Variants in CDH19 observed in about 807,000 individuals in gnomAD.
CDH19 encodes cadherin-19.
Under a neutral mutation model 64.2 loss-of-function variants are expected in CDH19, and 67 were observed. That is an observed-to-expected ratio of 1.04 (90% CI 0.86 to 1.28). The LOEUF (loss-of-function observed/expected upper bound fraction) is 1.28, where lower values mean the gene tolerates loss of function less well. Ranked by LOEUF, CDH19 falls within the 50% of genes most tolerant of loss-of-function variation. CDH19 has a pLI of 0.00. For missense variants in CDH19, 1,030 were observed against 929.0 expected (o/e 1.11, Z -1.41); for synonymous variants, 346 against 319.3 (o/e 1.08, Z -0.89).
At chr18:66,510,420 ATAAAT>A (rs1263906379) in intron 10 of CDH19, among the ~76,000 whole-genome samples, 1 of 149,106 alleles carries the variant, frequency 6.7e-6, no homozygotes, top group African/African-American at 2.4e-5. Context: ...TTATATTAAT[ATAAAT>A]TAATCTATAT....
chr18:66,544,355 A>G, intron 6 of CDH19, 131 bp from the exon 7 acceptor site: 1 of 733,812 alleles, frequency 1.4e-6, no homozygotes, highest in Non-Finnish European at 2.2e-6. Context: ...ATGTACATGG[A>G]TCTCTCTGAT....
chr18:66,597,961 C>A lies in CDH19; in HGVS notation c.-113+5993G>T, dbSNP rs1008128812. Among the ~76,000 whole-genome samples, 5 of 152,024 alleles carry A rather than the reference C, an allele frequency of 3.3e-5. 1 individual carries two copies. The highest frequency in any genetic ancestry group is 1.3e-4 in the Admixed American group (2 of 15,258). ...AATGTAAATGACGAGTTAATGGGTG[C>A]AGCACACCAACATGGCACATGTATA... On this transcript the variant is annotated intron_variant, in intron 1 of 11. Coordinates refer to ENST00000262150, the MANE Select transcript of CDH19 (RefSeq NM_021153.4).
intron 1 of CDH19, among the ~76,000 whole-genome samples, chr18:66,598,869 A>G (rs1988971107): frequency 6.6e-6 from 1 of 152,104 alleles, no homozygotes; most frequent in African/African-American, 2.4e-5. Context: ...GCTATAATAA[A>G]ATATAGAATA....
chr18:66,524,004 T>G (rs563989253), intron 9 of CDH19, among the ~76,000 whole-genome samples: 132 of 152,178 alleles, frequency 8.7e-4, no homozygotes, highest in Non-Finnish European at 1.6e-3. Flanking sequence ...AGCATTAAAT[T>G]GATCAGTGGC....
chr18:66,603,683 TAACA>T (rs1989091879), intron 1 of CDH19, among the ~76,000 whole-genome samples: 1 of 152,088 alleles, frequency 6.6e-6, no homozygotes, highest in Admixed American at 6.5e-5. Context: ...TTAAATATCC[TAACA>T]TAGGTGTAAC....
chr18:66,555,940 T>C (rs1987502729), intron 3 of CDH19, among the ~76,000 whole-genome samples: 1 of 151,740 alleles, frequency 6.6e-6, no homozygotes, highest in African/African-American at 2.4e-5. Flanking sequence ...GATACAATCA[T>C]CAAAATCATA....
At chr18:66,569,152 G>T (rs1489016131) in intron 2 of CDH19, among the ~76,000 whole-genome samples, 2 of 151,468 alleles carry the variant, frequency 1.3e-5, no homozygotes, top group African/African-American at 2.4e-5. Flanking sequence ...ATGGAAACAA[G>T]AAAATATTAG....
At position 66,551,176 on chromosome 18, in the gene CDH19, A is replaced by G; in HGVS notation, c.693T>C (p.Gly231=). 6.2e-7 allele frequency: 1 copy of G among 1,604,124 alleles called. No individual in the cohort carries two copies. The highest frequency in any genetic ancestry group is 8.5e-7 in the Non-Finnish European group (1 of 1,171,224). The change falls in exon 5 of 12, where the codon GGT becomes GGC. Residue 231 remains glycine, a synonymous_variant. Transcript: ENST00000262150. ...WVIIQAKDMI[G]QPGALSGTTS... ...TTGTTCCAGACAACGCTCCTGGCTG[A>G]CCAATCATGTCCTTGGCTTGAATGA...
chr18:66,549,773 GT>G (rs1229353647), intron 5 of CDH19, among the ~76,000 whole-genome samples: 8 of 152,110 alleles, frequency 5.3e-5, no homozygotes, highest in Admixed American at 5.2e-4. Context: ...TCATTTAGGT[GT>G]GGGCATTTGT....
intron 2 of CDH19, among the ~76,000 whole-genome samples, chr18:66,571,806 T>C (rs1055453532): frequency 3.3e-5 from 5 of 151,592 alleles, no homozygotes; most frequent in African/African-American, 1.2e-4. Context: ...TGAAGTGAAA[T>C]TTAAAAACCA....
intron 11 of CDH19, among the ~76,000 whole-genome samples, chr18:66,508,112 A>G (rs904481840): frequency 1.3e-5 from 2 of 151,932 alleles, no homozygotes; most frequent in African/African-American, 2.4e-5. Context: ...ATAAAACTAG[A>G]TAACATTATA....
intron 3 of CDH19, among the ~76,000 whole-genome samples, chr18:66,560,686 C>G (rs947648568): frequency 6.6e-6 from 1 of 151,838 alleles, no homozygotes; most frequent in African/African-American, 2.4e-5. Context: ...TTTTTTATTA[C>G]TCTTCCCAGC....
intron 1 of CDH19, among the ~76,000 whole-genome samples, chr18:66,597,448 A>T (rs1455981661): frequency 2.0e-5 from 3 of 152,120 alleles, no homozygotes; most frequent in Non-Finnish European, 4.4e-5. Flanking sequence ...CCATATAAAA[A>T]AATCAGTACA....
At chr18:66,596,385 GATA>G in intron 1 of CDH19, 1 of 152,214 alleles carries the variant, frequency 6.6e-6, no homozygotes, top group African/African-American at 2.4e-5. Flanking sequence ...TCTCTTCACA[GATA>G]ATATGATTCT....
rs148781203 is a variant in CDH19 at position 66,544,218 on chromosome 18, C to A, written c.967G>T (p.Asp323Tyr). ...EGIVILKKKV[D>Y]FEHQNHYGIR... The stretch of plus-strand genomic sequence containing the variant: ...CCGTAGTGGTTCTGGTGCTCAAAAT[C>A]CACTTTCTGCAAAGAAACACAGTAT... Residue 323 changes from aspartate to tyrosine, a missense_variant, in exon 7 of 12, where the codon GAT becomes TAT. Physicochemically the swap from Asp to Tyr is radical, Grantham distance 160. Coordinates refer to ENST00000262150, the MANE Select transcript of CDH19 (RefSeq NM_021153.4). The A allele has an allele frequency of 5.5e-5, 89 of 1,612,142 alleles. No homozygotes were observed. In the East Asian group the frequency reaches 1.6e-3, roughly 29 times the overall value.
At chr18:66,559,776 C>T (rs887773127) in intron 3 of CDH19, among the ~76,000 whole-genome samples, 1 of 150,776 alleles carries the variant, frequency 6.6e-6, no homozygotes, top group Non-Finnish European at 1.5e-5. Context: ...TCAGGAATAT[C>T]TAAACAAAAA....
intron 1 of CDH19, among the ~76,000 whole-genome samples, chr18:66,593,201 C>T (rs1599043214): frequency 1.3e-5 from 2 of 151,588 alleles, no homozygotes; most frequent in South Asian, 4.1e-4. Flanking sequence ...TTCATAAATT[C>T]TTGTTATAAA....
At chr18:66,584,202 C>A (rs1356052856) in intron 1 of CDH19, among the ~76,000 whole-genome samples, 1 of 152,014 alleles carries the variant, frequency 6.6e-6, no homozygotes, top group South Asian at 2.1e-4. Flanking sequence ...TGAACAGACA[C>A]TTTTCTAAAG....
intron 1 of CDH19, among the ~76,000 whole-genome samples, chr18:66,588,896 T>C: frequency 6.6e-6 from 1 of 151,736 alleles, no homozygotes; most frequent in South Asian, 2.1e-4. Context: ...CTTTTGATGA[T>C]TAATGAATTA....
Sources: gnomAD v4.1 joint callset for allele counts (sites outside exome capture counted in the v4.1 genomes callset) on GRCh38, gnomAD v4.1.1 for gene constraint, MANE v1.5 for transcripts, NCBI Gene and HGNC (gene_info 2026-07-23, HGNC 2026-07-21) for gene names.